AUTS2: variants seen among roughly 807,000 people sequenced by gnomAD.
AUTS2 encodes activator of transcription and developmental regulator AUTS2, also known as autism susceptibility gene 2 protein.
A neutral mutation model predicts 112.4 loss-of-function variants in AUTS2; 17 were observed. The ratio of observed to expected loss-of-function variants is 0.15; its 90% CI spans 0.10 to 0.23. AUTS2 has a LOEUF of 0.23. AUTS2 is among the 10% of genes least tolerant of loss of function. AUTS2 has a pLI of 1.00. For synonymous variants in AUTS2, 751 were observed against 702.7 expected (o/e 1.07, Z -1.09); for missense variants, 1,510 against 1,701.6 (o/e 0.89, Z 1.98).
intron 4 of AUTS2, among the ~76,000 whole-genome samples, chr7:70,242,755 C>G (rs1022757587): frequency 6.6e-6 from 1 of 152,102 alleles, no homozygotes; most frequent in Non-Finnish European, 1.5e-5. Flanking sequence ...GTGAGTGTAT[C>G]TTAAAGTACA....
intron 5 of AUTS2, among the ~76,000 whole-genome samples, chr7:70,635,110 G>A (rs566373753): frequency 2.0e-5 from 3 of 152,250 alleles, no homozygotes; most frequent in African/African-American, 4.8e-5. Context: ...TCCACTCTGC[G>A]AAAAAATTAA....
chr7:70,125,097 C>G lies in AUTS2; in HGVS notation c.624+6864C>G, dbSNP rs1309723822. Among the ~76,000 whole-genome samples, 5 of 152,100 alleles carry G rather than the reference C, an allele frequency of 3.3e-5. No homozygotes were observed. The East Asian group carries it at 9.6e-4, about 29-fold the overall frequency. On this transcript the variant is annotated intron_variant, in intron 3 of 18. Coordinates refer to ENST00000342771, the MANE Select transcript of AUTS2 (RefSeq NM_015570.4). ...GTTTCTATTGGTTGTTTTTTCTCCT[C>G]ACTATGGGTCATATTTTCCTGCTTC...
chr7:70,046,819 G>T (rs1801527772), intron 2 of AUTS2, among the ~76,000 whole-genome samples: 1 of 152,172 alleles, frequency 6.6e-6, no homozygotes. Flanking sequence ...CTCTGATAAA[G>T]AGATGATGAC....
chr7:69,712,063 CCTT>C (rs1443725788), intron 1 of AUTS2, among the ~76,000 whole-genome samples: 9 of 152,132 alleles, frequency 5.9e-5, no homozygotes, highest in African/African-American at 2.2e-4. Flanking sequence ...GTATAATACT[CCTT>C]CTTTGTGCTC....
At chr7:70,316,831 T>C (rs1369849238) in intron 4 of AUTS2, 1 of 152,236 alleles carries the variant, frequency 6.6e-6, no homozygotes, top group Non-Finnish European at 1.5e-5. Context: ...TACTTCGTAA[T>C]GCAGGTCTCT....
chr7:70,700,275 T>C (rs1217000644), intron 6 of AUTS2, among the ~76,000 whole-genome samples: 3 of 152,204 alleles, frequency 2.0e-5, no homozygotes, highest in Non-Finnish European at 4.4e-5. Flanking sequence ...GCCTTTCTTC[T>C]GAGCTGCTTT....
intron 4 of AUTS2, among the ~76,000 whole-genome samples, chr7:70,262,546 G>A (rs1426311942): frequency 2.0e-5 from 3 of 152,148 alleles, no homozygotes; most frequent in African/African-American, 7.2e-5. Context: ...AAGAGGAACT[G>A]TTAAAACTTA....
chr7:70,197,495 C>T (rs1584867328), intron 4 of AUTS2, among the ~76,000 whole-genome samples: 5 of 134,456 alleles, frequency 3.7e-5, no homozygotes, highest in South Asian at 5.5e-4. Context: ...GCACCGTGCG[C>T]GAGCCGAAGC....
intron 1 of AUTS2, among the ~76,000 whole-genome samples, chr7:69,713,129 T>C (rs1798410756): frequency 6.6e-6 from 1 of 152,214 alleles, no homozygotes; most frequent in African/African-American, 2.4e-5. Context: ...ATTATATGTA[T>C]TTACAGGGGA....
At chr7:69,770,273 A>C (rs1188215425) in intron 1 of AUTS2, among the ~76,000 whole-genome samples, 2 of 152,248 alleles carry the variant, frequency 1.3e-5, no homozygotes, top group African/African-American at 4.8e-5. Flanking sequence ...TTACATTATA[A>C]ATGAGGACCA....
At chr7:70,567,870 G>A (rs904042707) in intron 5 of AUTS2, among the ~76,000 whole-genome samples, 1 of 152,176 alleles carries the variant, frequency 6.6e-6, no homozygotes, top group African/African-American at 2.4e-5. Flanking sequence ...TGTCTGAAGA[G>A]GCCAAAGCAA....
At chr7:70,090,530 A>T (rs982823489) in intron 2 of AUTS2, among the ~76,000 whole-genome samples, 1 of 151,688 alleles carries the variant, frequency 6.6e-6, no homozygotes, top group African/African-American at 2.4e-5. Context: ...TGCCCAGCTA[A>T]ATTTTGTATT....
intron 2 of AUTS2, among the ~76,000 whole-genome samples, chr7:69,965,594 G>C (rs1441397444): frequency 6.6e-6 from 1 of 152,126 alleles, no homozygotes; most frequent in African/African-American, 2.4e-5. Context: ...CCAATCTAAA[G>C]GACGAGAGAC....
At chr7:70,604,697 A>G (rs1205585784) in intron 5 of AUTS2, among the ~76,000 whole-genome samples, 3 of 152,206 alleles carry the variant, frequency 2.0e-5, no homozygotes, top group African/African-American at 4.8e-5. Flanking sequence ...CAGAGAAGCT[A>G]TGGACAAGAA....
In AUTS2 at chr7:70,790,123, G is replaced by A. The variant is rs752433393; in HGVS notation, c.2907G>A (p.Pro969=). 3.1e-5 allele frequency: 50 copies of A among 1,602,430 alleles called. No individual in the cohort carries two copies. Among genetic ancestry groups the A allele is most frequent in the Non-Finnish European group, 3.8e-5 (45 of 1,175,702 alleles). Residue 969 remains proline (P), a synonymous_variant, in exon 19 of 19, where the codon CCG becomes CCA. Transcript: ENST00000342771. This position sits in a 1 kb window ranked among gnomAD's most constrained non-coding sequence, Gnocchi z 7.6. ...AGGCCGAGCCGCGCAAGGGTGAGCC[G>A]GCCTACGAGAACCCCAAGAAGAGCT... The part of the protein sequence containing the change: ...SREAEPRKGE[P]AYENPKKSSE...
At chr7:70,013,361 C>A (rs1799888759) in intron 2 of AUTS2, among the ~76,000 whole-genome samples, 1 of 152,186 alleles carries the variant, frequency 6.6e-6, no homozygotes, top group East Asian at 1.9e-4. Flanking sequence ...AGAAGGATCT[C>A]CAGCCTGGGA....
chr7:70,760,944 C>T (rs1291521146), intron 6 of AUTS2, among the ~76,000 whole-genome samples: 1 of 152,054 alleles, frequency 6.6e-6, no homozygotes, highest in Non-Finnish European at 1.5e-5. Flanking sequence ...TGTTATTGTT[C>T]CAGGCTGTTT....
intron 2 of AUTS2, among the ~76,000 whole-genome samples, chr7:70,089,618 A>C (rs1221949180): frequency 1.3e-5 from 2 of 151,762 alleles, no homozygotes; most frequent in Admixed American, 6.6e-5. Flanking sequence ...TACTTTCTTG[A>C]TATGGTTATG....
chr7:70,032,021 A>G (rs186777263), intron 2 of AUTS2, among the ~76,000 whole-genome samples: 58 of 152,286 alleles, frequency 3.8e-4, no homozygotes, highest in African/African-American at 1.4e-3. Flanking sequence ...CAGAAACAGT[A>G]TAGTAGTCGG....
Sources: allele counts gnomAD v4.1 joint callset (sites outside exome capture counted in the v4.1 genomes callset), GRCh38; gene constraint gnomAD v4.1.1; non-coding constraint Gnocchi (gnomAD v3.1); transcripts MANE v1.5; gene names NCBI Gene and HGNC (gene_info 2026-07-23, HGNC 2026-07-21).